Variants in TENM4 observed in about 807,000 individuals in gnomAD.
TENM4 encodes teneurin transmembrane protein 4.
In TENM4, 82 loss-of-function variants were observed where a neutral mutation model predicts 243.3. The ratio of observed to expected loss-of-function variants is 0.34; its 90% confidence interval spans 0.28 to 0.40. The LOEUF (loss-of-function observed/expected upper bound fraction) is 0.40, where lower values mean the gene tolerates loss of function less well. Ranked by LOEUF, TENM4 falls within the 10% of genes least tolerant of loss-of-function variation. The pLI is 1.00. For missense variants in TENM4, 3,138 were observed against 3,673.3 expected, an observed-to-expected ratio of 0.85 and a Z score of 3.77; for synonymous variants, 1,412 against 1,456.3, an observed-to-expected ratio of 0.97 and a Z score of 0.69.
Position 78,814,306 on chromosome 11 carries a change from C to A in TENM4, c.1771G>T (p.Asp591Tyr). The A allele has an allele frequency of 6.5e-7, 1 of 1,550,006 alleles. No individual in the cohort carries two copies. Among genetic ancestry groups the A allele is most frequent in the Non-Finnish European group, 8.7e-7 (1 of 1,146,264 alleles). Residue 591 changes from aspartate (D) to tyrosine (Y), a missense_variant, in exon 13 of 34, where the codon GAC (aspartate) becomes TAC (tyrosine). Asp to Tyr is a radical substitution (Grantham distance 160). Transcript: ENST00000278550. Reference protein sequence around the residue: ...CHCFLGFLGPDCGRASCPVLC... With the variant: ...CHCFLGFLGPYCGRASCPVLC... Reference sequence around the variant, plus strand: ...GCAGAGTTCTCACCTCTGCCACAGTCGGGGCCCAGGAAACCCAGGAAGCAG... The same window carrying A: ...GCAGAGTTCTCACCTCTGCCACAGTAGGGGCCCAGGAAACCCAGGAAGCAG...
chr11:78,999,411 G>A (rs1858259234), intron 6 of TENM4, among the ~76,000 whole-genome samples: 4 of 152,058 alleles, frequency 2.6e-5, no homozygotes, highest in African/African-American at 7.2e-5. Context: ...AGCTACTCGG[G>A]AGGCTGAGGC....
chr11:78,732,056 C>A (rs956514245), intron 21 of TENM4, among the ~76,000 whole-genome samples: 1 of 152,126 alleles, frequency 6.6e-6, no homozygotes, highest in Non-Finnish European at 1.5e-5. Context: ...AGTGGAAAGA[C>A]AGAGAGAATT....
chr11:78,722,245 C>A (rs575919523), intron 24 of TENM4, among the ~76,000 whole-genome samples: 1 of 152,126 alleles, frequency 6.6e-6, no homozygotes, highest in African/African-American at 2.4e-5. Flanking sequence ...AAACGCCTGG[C>A]CTCAAGTGAT....
rs373477770 is a variant in TENM4 at position 78,885,210 on chromosome 11, T to C, written c.1084+4575A>G. 2.6e-5 allele frequency among the ~76,000 whole-genome samples: 4 copies of C among 152,276 alleles called. No individual in the cohort carries two copies. In the East Asian group the frequency reaches 7.7e-4, roughly 29 times the overall value. ...ATGTAACCTGCACAACAGCCCCCAT[T>C]GTGTTCTGCCAACAGATTTCTCCAG... On this transcript the variant is annotated intron_variant, in intron 9 of 33. Coordinates refer to ENST00000278550, the MANE Select transcript of TENM4 (RefSeq NM_001098816.3).
chr11:78,745,665 G>C (rs1856034355), intron 19 of TENM4, among the ~76,000 whole-genome samples: 1 of 152,176 alleles, frequency 6.6e-6, no homozygotes, highest in Non-Finnish European at 1.5e-5. Flanking sequence ...AAATAAACCA[G>C]TCTTGCTTTC....
intron 1 of TENM4, among the ~76,000 whole-genome samples, chr11:79,390,409 C>T (rs572483865): frequency 1.3e-5 from 2 of 152,362 alleles, no homozygotes; most frequent in African/African-American, 4.8e-5. Flanking sequence ...ATATAGTTCC[C>T]TTCCTGGCAC....
intron 6 of TENM4, among the ~76,000 whole-genome samples, chr11:79,031,158 G>C (rs1046907918): frequency 2.0e-5 from 3 of 152,294 alleles, no homozygotes; most frequent in African/African-American, 7.2e-5. Flanking sequence ...CTTAGCAAAT[G>C]ATGTCACAGA....
At chr11:78,957,078 A>G (rs867907439) in intron 6 of TENM4, among the ~76,000 whole-genome samples, 2 of 152,218 alleles carry the variant, frequency 1.3e-5, no homozygotes, top group South Asian at 2.1e-4. Context: ...GTCATCATGA[A>G]TGAATGAATA....
intron 27 of TENM4, among the ~76,000 whole-genome samples, chr11:78,703,408 C>G (rs1859155327): frequency 6.6e-6 from 1 of 152,202 alleles, no homozygotes; most frequent in African/African-American, 2.4e-5. Flanking sequence ...CCTCAGAGAA[C>G]AGGTCCACCT....
At chr11:79,408,095 G>T (rs569983507) in intron 1 of TENM4, among the ~76,000 whole-genome samples, 1 of 152,092 alleles carries the variant, frequency 6.6e-6, no homozygotes, top group Non-Finnish European at 1.5e-5. Flanking sequence ...GTACAGACAT[G>T]GTTTCATCAT....
At position 78,909,740 on chromosome 11, in the gene TENM4, T is replaced by C. The variant is rs111986340; in HGVS notation, c.494-6217A>G. Among the ~76,000 whole-genome samples the C allele has an allele frequency of 5.5e-3, 832 of 152,336 alleles. 7 individuals carry two copies. The highest frequency in any genetic ancestry group is 0.019 in the African/African-American group (797 of 41,570). On this transcript the variant is annotated intron_variant, in intron 6 of 33. Transcript: ENST00000278550. ...GGCATTCTAGGCAGAAGATAATGCA[T>C]GTGCAAGGGTTCAGAAGCAAGGCCA... is the stretch of plus-strand genomic sequence containing the variant.
chr11:79,301,802 T>C (rs1856553818), intron 1 of TENM4, among the ~76,000 whole-genome samples: 1 of 152,176 alleles, frequency 6.6e-6, no homozygotes, highest in South Asian at 2.1e-4. Flanking sequence ...CCTTGCTCCC[T>C]CTTCTTCCTC....
At chr11:78,824,565 G>C (rs1328997727) in intron 12 of TENM4, among the ~76,000 whole-genome samples, 3 of 148,824 alleles carry the variant, frequency 2.0e-5, no homozygotes, top group Non-Finnish European at 1.5e-5. Flanking sequence ...GCAGTGGCAC[G>C]ATCTCGGCTC....
At chr11:79,113,392 GGTGTGTGTGTGT>G (rs113144339) in intron 4 of TENM4, among the ~76,000 whole-genome samples, 41 of 145,178 alleles carry the variant, frequency 2.8e-4, no homozygotes, top group Non-Finnish European at 5.0e-4. Context: ...CTATTGGATT[GGTGTGTGTGTGT>G]GTGTGTGTGT....
At chr11:79,257,179 A>G (rs1320602283) in intron 2 of TENM4, among the ~76,000 whole-genome samples, 1 of 152,156 alleles carries the variant, frequency 6.6e-6, no homozygotes, top group East Asian at 1.9e-4. Flanking sequence ...TGTTCAGTGT[A>G]CTAAGGAACT....
chr11:78,913,295 A>G (rs1244111783), intron 6 of TENM4, among the ~76,000 whole-genome samples: 1 of 152,138 alleles, frequency 6.6e-6, no homozygotes, highest in Non-Finnish European at 1.5e-5. Context: ...GGAGACATAG[A>G]GATGGATTAG....
intron 4 of TENM4, among the ~76,000 whole-genome samples, chr11:79,089,968 A>C (rs1412787056): frequency 1.3e-5 from 2 of 152,238 alleles, no homozygotes; most frequent in African/African-American, 2.4e-5. Flanking sequence ...TTTTAGCTAT[A>C]TCATGGAGGT....
chr11:79,025,080 G>A (rs71471433), intron 6 of TENM4, among the ~76,000 whole-genome samples: 8,362 of 152,252 alleles, frequency 0.055, 530 homozygotes, highest in African/African-American at 0.16. Context: ...GCCAGGGGAG[G>A]AAGGAAAGGG....
At chr11:78,677,774 C>A (rs945094633) in intron 29 of TENM4, among the ~76,000 whole-genome samples, 3 of 145,424 alleles carry the variant, frequency 2.1e-5, no homozygotes, top group Non-Finnish European at 4.6e-5. Flanking sequence ...AACTTAGATT[C>A]TTTTTTTTTT....
Sources: gnomAD v4.1 joint callset for allele counts (sites outside exome capture counted in the v4.1 genomes callset) on GRCh38, gnomAD v4.1.1 for gene constraint, MANE v1.5 for transcripts, NCBI Gene and HGNC (gene_info 2026-07-23, HGNC 2026-07-21) for gene names.